SACS: variants seen among roughly 807,000 people sequenced by gnomAD.
SACS encodes the protein sacsin molecular chaperone.
SACS carries 197 observed loss-of-function variants against 348.0 expected under a neutral mutation model. The ratio of observed to expected loss-of-function variants is 0.57; its 90% CI spans 0.50 to 0.64. The LOEUF (loss-of-function observed/expected upper bound fraction) is 0.64, where lower values mean the gene tolerates loss of function less well. SACS is among the 30% of genes least tolerant of loss of function. The probability of loss-of-function intolerance (pLI) is 0.00; values close to 1 mark genes in which losing one functional copy is unlikely to be tolerated. For missense variants in SACS, 4,999 were observed against 5,360.8 expected (o/e 0.93, Z 2.11); for synonymous variants, 1,985 against 1,910.6 (o/e 1.04, Z -1.02).
chr13:23,334,805 CTA>C lies in SACS; in HGVS notation c.9069_9070del (p.Arg3024ThrfsTer4), dbSNP rs1868424934. ...CTGTAGTAAATTGTCAAAAAATGGT[CTA>C]GTTTTATTAGAAGTAGACATATTGA... On this transcript the variant is annotated frameshift_variant, in exon 10 of 10. Transcript: ENST00000382292. LOFTEE classifies it high-confidence loss of function. 1.9e-6 allele frequency: 3 copies of C among 1,613,732 alleles called. No individual in the cohort carries two copies. Among genetic ancestry groups the C allele is most frequent in the Non-Finnish European group, 2.5e-6 (3 of 1,179,788 alleles).
Position 23,330,606 on chromosome 13 carries a change from C to T in SACS, c.13270G>A (p.Ala4424Thr), listed in dbSNP as rs981233686. ...AACCTTTGAGAGTAAGTCTGTCCGG[C>T]TGAAGGGGGGCATTTTTCTTTGTTC... Reference protein sequence around the residue: ...QQNKEKCPPSAGQTYSQRFFV... With the variant: ...QQNKEKCPPSTGQTYSQRFFV... The change falls in exon 10 of 10, where the codon GCC becomes ACC. Residue 4424 changes from alanine to threonine, a missense_variant. Around this residue, in one of 6 missense-constraint regions of SACS, gnomAD observed 254 missense variants for 275.1 expected, o/e 0.92. Coordinates refer to ENST00000382292, the MANE Select transcript of SACS (RefSeq NM_014363.6). The T allele has an allele frequency of 2.5e-6, 4 of 1,613,900 alleles. No individual in the cohort carries two copies. Among genetic ancestry groups the T allele is most frequent in the Non-Finnish European group, 8.5e-7 (1 of 1,179,990 alleles).
At chr13:23,387,007 A>C (rs1279146147) in intron 2 of SACS, among the ~76,000 whole-genome samples, 1 of 152,222 alleles carries the variant, frequency 6.6e-6, no homozygotes, top group East Asian at 1.9e-4. Context: ...TAGTAATCAC[A>C]GATCACCAAA....
chr13:23,337,746 G>T lies in SACS; in HGVS notation c.6130C>A (p.Gln2044Lys). 1 of 1,613,884 alleles carries T rather than the reference G, an allele frequency of 6.2e-7. No homozygotes were observed. The highest frequency in any genetic ancestry group is 8.5e-7 in the Non-Finnish European group (1 of 1,179,950). ...GAAAATGTGTTTTCAAGTAGTATCT[G>T]TTTGCAGCCAGCTTCTTCAAATCCT... Reference protein sequence around the residue: ...KLGFEEAGCKQILLENTFSEK... With the variant: ...KLGFEEAGCKKILLENTFSEK... Residue 2044 changes from glutamine to lysine, a missense_variant, in exon 10 of 10, where the codon CAG (glutamine) becomes AAG (lysine). Physicochemically the swap from Gln to Lys is moderately conservative, Grantham distance 53 (BLOSUM62 1). This residue lies in a region of SACS where 3,156 missense variants were observed against 3,380.1 expected (regional missense o/e 0.93). Transcript: ENST00000382292.
chr13:23,410,051 T>C (rs1270570964), intron 2 of SACS, among the ~76,000 whole-genome samples: 1 of 152,108 alleles, frequency 6.6e-6, no homozygotes, highest in East Asian at 1.9e-4. Flanking sequence ...CACCTTTGAT[T>C]TGAAAAAAAG....
chr13:23,397,434 A>G (rs1872753139), intron 2 of SACS, among the ~76,000 whole-genome samples: 3 of 152,216 alleles, frequency 2.0e-5, no homozygotes, highest in South Asian at 4.1e-4. Flanking sequence ...AGATTGGATT[A>G]ATTTATTTAT....
At chr13:23,370,353 G>A (rs1404947265) in intron 4 of SACS, among the ~76,000 whole-genome samples, 1 of 152,158 alleles carries the variant, frequency 6.6e-6, no homozygotes, top group Admixed American at 6.5e-5. Context: ...AGATAAGTAC[G>A]TACCATGAAA....
chr13:23,399,601 G>C (rs1294253641), intron 2 of SACS, among the ~76,000 whole-genome samples: 1 of 152,140 alleles, frequency 6.6e-6, no homozygotes, highest in Non-Finnish European at 1.5e-5. Context: ...ATGGGGATAG[G>C]ACACAGAAGC....
chr13:23,389,344 A>G (rs1295716503), intron 2 of SACS, among the ~76,000 whole-genome samples: 2 of 152,186 alleles, frequency 1.3e-5, no homozygotes, highest in Non-Finnish European at 2.9e-5. Flanking sequence ...AGTTGGTTTT[A>G]TAACTAGGAA....
chr13:23,424,289 G>A (rs944999391), intron 1 of SACS, among the ~76,000 whole-genome samples: 5 of 152,204 alleles, frequency 3.3e-5, no homozygotes, highest in Non-Finnish European at 7.3e-5. Flanking sequence ...ACTTTGGGAG[G>A]CCAAAGCGGG....
In SACS at chr13:23,329,686, G is replaced by A; in HGVS notation, c.*450C>T. On this transcript the variant is annotated 3_prime_UTR_variant, in exon 10 of 10. Coordinates refer to ENST00000382292, the MANE Select transcript of SACS (RefSeq NM_014363.6). ...TGATGAGAAAATAACGCATCCAAGA[G>A]GATCCACTTAAAAAAATGACAGACT... is the stretch of plus-strand genomic sequence containing the variant. 1 of 516,792 alleles carries A rather than the reference G, an allele frequency of 1.9e-6. No homozygotes were observed. Among genetic ancestry groups the A allele is most frequent in the East Asian group, 3.2e-5 (1 of 31,586 alleles). 32.0% of individuals were successfully genotyped at this position (516,792 alleles called of 1,614,324 possible). A position where few individuals can be genotyped will look rare whatever the true frequency, so the allele number is the denominator to read the frequency against.
At chr13:23,422,184 A>G (rs562298268) in intron 1 of SACS, among the ~76,000 whole-genome samples, 2 of 152,354 alleles carry the variant, frequency 1.3e-5, no homozygotes, top group East Asian at 3.9e-4. Flanking sequence ...TTCATTAAAC[A>G]AGTTCCTAAC....
chr13:23,331,446 C>T lies in SACS; in HGVS notation c.12430G>A (p.Asp4144Asn), dbSNP rs780466644. Reference sequence around the variant, plus strand: ...TCCAGTTTTGATGGCTCCGAAGAGTCATATTTCACTCCTAAACTGTCAAGT... The same window carrying T: ...TCCAGTTTTGATGGCTCCGAAGAGTTATATTTCACTCCTAAACTGTCAAGT... ...EKLDSLGVKY[D>N]SSEPSKLELP... is the part of the protein sequence containing the mutation. Residue 4144 changes from aspartate to asparagine, a missense_variant, in exon 10 of 10, where the codon GAC becomes AAC. By Grantham distance (23) the Asp-to-Asn change is conservative. Coordinates refer to ENST00000382292, the MANE Select transcript of SACS (RefSeq NM_014363.6). 1 of 1,613,972 alleles carries T rather than the reference C, an allele frequency of 6.2e-7. No homozygotes were observed. Among genetic ancestry groups the T allele is most frequent in the Non-Finnish European group, 8.5e-7 (1 of 1,179,942 alleles).
chr13:23,389,427 CAT>C (rs1324791446), intron 2 of SACS, among the ~76,000 whole-genome samples: 20 of 152,098 alleles, frequency 1.3e-4, no homozygotes, highest in African/African-American at 4.6e-4. Context: ...ATATTAGTAA[CAT>C]GTGGATATAA....
intron 2 of SACS, among the ~76,000 whole-genome samples, chr13:23,387,683 T>C (rs1466076378): frequency 6.6e-6 from 1 of 151,940 alleles, no homozygotes; most frequent in Non-Finnish European, 1.5e-5. Flanking sequence ...GTGGTTTGAG[T>C]TCAGGTGATG....
At position 23,339,141 on chromosome 13, in the gene SACS, T is replaced by C. The variant is rs972118819; in HGVS notation, c.4735A>G (p.Ile1579Val). ...TGATTTATGTTTGGATCGAACATTATCATGAATTCCCGACTCATAATGATG... is the reference window on the plus strand; with the variant it reads ...TGATTTATGTTTGGATCGAACATTACCATGAATTCCCGACTCATAATGATG... ...IPIIMSREFM[I>V]MFDPNINHIS... is the part of the protein sequence containing the mutation. The change falls in exon 10 of 10, where the codon ATA (isoleucine) becomes GTA (valine). Residue 1579 changes from isoleucine (I) to valine (V), a missense_variant. Ile to Val is a conservative substitution (Grantham distance 29). Around this residue, in one of 6 missense-constraint regions of SACS, gnomAD observed 3,156 missense variants for 3,380.1 expected, o/e 0.93. Transcript: ENST00000382292. 2.5e-6 allele frequency: 4 copies of C among 1,611,618 alleles called. No individual in the cohort carries two copies. Among genetic ancestry groups the C allele is most frequent in the African/African-American group, 1.3e-5 (1 of 75,002 alleles).
chr13:23,375,362 T>C, intron 2 of SACS, 93 bp from the exon 3 acceptor site: 1 of 1,265,404 alleles, frequency 7.9e-7, no homozygotes, highest in Non-Finnish European at 9.9e-7. Context: ...CTCTCCCACA[T>C]CGCGGCGCGG....
intron 7 of SACS, 33 bp from the exon 8 acceptor site, chr13:23,356,040 T>G (rs770921769): frequency 1.1e-5 from 18 of 1,569,720 alleles, no homozygotes; most frequent in Non-Finnish European, 1.6e-5. Flanking sequence ...TGATCAACTC[T>G]GAAATTTTAG....
chr13:23,373,512 TCACGCCTATAATCC>T (rs1367222796), intron 3 of SACS: 1 of 154,760 alleles, frequency 6.5e-6, no homozygotes, highest in Non-Finnish European at 1.4e-5. Context: ...GCGCAGTGGC[TCACGCCTATAATCC>T]CAACACTTTG....
intron 4 of SACS, among the ~76,000 whole-genome samples, chr13:23,370,105 G>A (rs1871294842): frequency 6.6e-6 from 1 of 151,834 alleles, no homozygotes; most frequent in Non-Finnish European, 1.5e-5. Flanking sequence ...TGATTCGCCT[G>A]CCTTGGCCTC....
Sources: allele counts gnomAD v4.1 joint callset (sites outside exome capture counted in the v4.1 genomes callset), GRCh38; gene constraint gnomAD v4.1.1; regional missense constraint gnomAD v4.1.1; transcripts MANE v1.5; gene names NCBI Gene and HGNC (gene_info 2026-07-23, HGNC 2026-07-21).